The following ZNF514 variants were observed in gnomAD, a reference collection of about 807,000 sequenced individuals.
The protein encoded by ZNF514 is zinc finger protein 514.
In ZNF514, 12 loss-of-function variants were observed where a neutral mutation model predicts 9.7. That is an observed-to-expected ratio of 1.24 (90% CI 0.79 to 2.01). The LOEUF (loss-of-function observed/expected upper bound fraction) is 2.01, where lower values mean the gene tolerates loss of function less well. Among genes scored for constraint, ZNF514 ranks in the 30% most tolerant of loss-of-function variants. The pLI is 0.00. For missense variants in ZNF514, 467 were observed against 465.5 expected, an observed-to-expected ratio of 1.00 and a Z score of -0.03; for synonymous variants, 158 against 163.7, an observed-to-expected ratio of 0.97 and a Z score of 0.27.
At chr2:95,128,107 T>G in the ZNF514 span, among the ~76,000 whole-genome samples, 1 of 151,902 alleles carries the variant, frequency 6.6e-6, no homozygotes, top group Non-Finnish European at 1.5e-5. Flanking sequence ...AAATAAAAAA[T>G]TAGGGCTGGG....
the ZNF514 span, among the ~76,000 whole-genome samples, chr2:95,127,939 T>G: frequency 1.3e-5 from 2 of 152,082 alleles, no homozygotes; most frequent in South Asian, 2.1e-4. Flanking sequence ...AGCTGTTCCC[T>G]CTATATTTTT....
the ZNF514 span, among the ~76,000 whole-genome samples, chr2:95,132,473 A>G: frequency 6.6e-6 from 1 of 152,208 alleles, no homozygotes; most frequent in Non-Finnish European, 1.5e-5. Context: ...TGCCAACACC[A>G]TAAACTGATG....
At chr2:95,157,289 G>T in intron 2 of ZNF514, 62 bp downstream of exon 2, 1 of 1,124,738 alleles carries the variant, frequency 8.9e-7, no homozygotes, top group Non-Finnish European at 1.2e-6. Flanking sequence ...ACTTTTTGGT[G>T]AAAAGTAGGC....
In ZNF514 at chr2:95,149,614, T is replaced by TA; in HGVS notation, c.870dup (p.Asn291Ter). On this transcript the variant is annotated frameshift_variant, in exon 5 of 5. Coordinates refer to ENST00000295208, the MANE Select transcript of ZNF514 (RefSeq NM_032788.3). LOFTEE classifies it low-confidence loss of function (END_TRUNC). ...TGACCAAAGGCTCGTCCACATTCAT[T>TA]ACATTTGTAGGGTTTCTCTCCAGTG... 6.2e-7 allele frequency: 1 copy of TA among 1,614,176 alleles called. No individual in the cohort carries two copies. Among genetic ancestry groups the TA allele is most frequent in the Non-Finnish European group, 8.5e-7 (1 of 1,180,022 alleles).
the ZNF514 span, among the ~76,000 whole-genome samples, chr2:95,139,460 T>C: frequency 1.3e-5 from 2 of 152,130 alleles, no homozygotes; most frequent in Admixed American, 1.3e-4. Context: ...TTTTGGAGCT[T>C]TGAGATTTAA....
downstream of ZNF514, among the ~76,000 whole-genome samples, chr2:95,140,620 T>C (rs187517398): frequency 6.7e-6 from 1 of 149,240 alleles, no homozygotes; most frequent in Non-Finnish European, 1.5e-5. Flanking sequence ...CTTGAAAAAA[T>C]ATATATATAT....
chr2:95,157,516 C>A (rs1673720771), intron 1 of ZNF514, 77 bp from the exon 2 acceptor site: 2 of 767,262 alleles, frequency 2.6e-6, no homozygotes, highest in African/African-American at 3.6e-5. Context: ...AAGCCTGAGA[C>A]CCAGAACAGC....
At chr2:95,138,217 T>C in the ZNF514 span, among the ~76,000 whole-genome samples, 1 of 152,188 alleles carries the variant, frequency 6.6e-6, no homozygotes, top group Non-Finnish European at 1.5e-5. Context: ...CAGTGGGACA[T>C]TGCTATAAAG....
downstream of ZNF514, among the ~76,000 whole-genome samples, chr2:95,144,219 AC>A (rs893874088): frequency 1.3e-5 from 2 of 151,600 alleles, no homozygotes; most frequent in African/African-American, 4.9e-5. Context: ...TGCAGGACAG[AC>A]CCCCGCATTT....
the ZNF514 span, among the ~76,000 whole-genome samples, chr2:95,124,055 C>T: frequency 6.6e-6 from 1 of 152,156 alleles, no homozygotes; most frequent in Non-Finnish European, 1.5e-5. Flanking sequence ...ATGAGTTTTA[C>T]ATACACTCAT....
In ZNF514 at chr2:95,149,764, AG is replaced by A; in HGVS notation, c.720del (p.Phe241LeufsTer179). 2 of 1,614,254 alleles carry A rather than the reference AG, an allele frequency of 1.2e-6. No homozygotes were observed. Among genetic ancestry groups the A allele is most frequent in the Non-Finnish European group, 1.7e-6 (2 of 1,180,044 alleles). ...TTAATAAGGGATGAAATATGACCAAAGGCTCTTCCACAGTCACTGCATTCAT... is the reference window on the plus strand; with the variant it reads ...TTAATAAGGGATGAAATATGACCAAAGCTCTTCCACAGTCACTGCATTCAT... ...KPYECSDCGRAFGHISSLIKH... is the reference protein window; with the variant it reads ...KPYECSDCGRXFGHISSLIKH... On this transcript the variant is annotated frameshift_variant, in exon 5 of 5. Transcript: ENST00000295208. LOFTEE classifies it low-confidence loss of function (END_TRUNC).
the ZNF514 span, among the ~76,000 whole-genome samples, chr2:95,132,166 A>C: frequency 6.6e-6 from 1 of 151,296 alleles, no homozygotes; most frequent in Non-Finnish European, 1.5e-5. Flanking sequence ...AAAAAAAAAA[A>C]AAAACAGAGA....
chr2:95,147,491 T>C lies in ZNF514; in HGVS notation c.*1791A>G, dbSNP rs558402988. ...ACCCTAAAAAGATTCCTTGTAACAT[T>C]TGCAGTTACTTTGTTTCTGAAGATC... On this transcript the variant is annotated 3_prime_UTR_variant, in exon 5 of 5. Coordinates refer to ENST00000295208, the MANE Select transcript of ZNF514 (RefSeq NM_032788.3). 1 of 152,212 alleles carries C rather than the reference T, an allele frequency of 6.6e-6. No homozygotes were observed. The highest frequency in any genetic ancestry group is 1.5e-5 in the Non-Finnish European group (1 of 68,028). 9.4% of individuals were successfully genotyped at this position (152,212 alleles called of 1,614,324 possible). A position where few individuals can be genotyped will look rare whatever the true frequency, so the allele number is the denominator to read the frequency against.
chr2:95,147,144 C>T lies in ZNF514; in HGVS notation c.*2138G>A, dbSNP rs570386310. ...ACGCCAGCTCCTGGTCTAGGCTTCT[C>T]CACCTGAGTTACAGAGCCAACATGG... On this transcript the variant is annotated 3_prime_UTR_variant, in exon 5 of 5. Coordinates refer to ENST00000295208, the MANE Select transcript of ZNF514 (RefSeq NM_032788.3). Among the ~76,000 whole-genome samples, 1 of 152,288 alleles carries T rather than the reference C, an allele frequency of 6.6e-6. No homozygotes were observed. The highest frequency in any genetic ancestry group is 2.4e-5 in the African/African-American group (1 of 41,570).
At chr2:95,125,255 G>C in the ZNF514 span, among the ~76,000 whole-genome samples, 1 of 132,830 alleles carries the variant, frequency 7.5e-6, no homozygotes, top group East Asian at 2.3e-4. Context: ...TTGAGACGGA[G>C]TCTCGCGTCG....
In ZNF514 at chr2:95,148,660, G is replaced by A. The variant is rs1444227563; in HGVS notation, c.*622C>T. The A allele has an allele frequency of 6.6e-6, 1 of 152,332 alleles. No homozygotes were observed. Among genetic ancestry groups the A allele is most frequent in the Non-Finnish European group, 1.5e-5 (1 of 68,138 alleles). The allele number at this position is 152,332 out of a possible 1,614,324, so 9.4% of individuals were successfully genotyped here. A position where few individuals can be genotyped will look rare whatever the true frequency, so the allele number is the denominator to read the frequency against. On this transcript the variant is annotated 3_prime_UTR_variant, in exon 5 of 5. Transcript: ENST00000295208. Reference sequence around the variant, plus strand: ...GTCACCAGAGTTTCCAGCTAGTAGGGAGAGTTCTAAGGGGTTTATAAAGCA... The same window carrying A: ...GTCACCAGAGTTTCCAGCTAGTAGGAAGAGTTCTAAGGGGTTTATAAAGCA...
chr2:95,129,827 G>C, the ZNF514 span, among the ~76,000 whole-genome samples: 260 of 152,216 alleles, frequency 1.7e-3, 1 homozygote, highest in Non-Finnish European at 3.1e-3. Context: ...ATTTAAAACA[G>C]AGTTTGGGGA....
At chr2:95,157,303 G>T in intron 2 of ZNF514, 48 bp downstream of exon 2, 1 of 1,209,052 alleles carries the variant, frequency 8.3e-7, no homozygotes, top group Non-Finnish European at 1.1e-6. Flanking sequence ...AGTAGGCAAA[G>T]CTAACCATCG....
At position 95,145,806 on chromosome 2, in the gene ZNF514, C is replaced by T. The variant is rs1460920936; in HGVS notation, c.*3476G>A. On this transcript the variant is annotated 3_prime_UTR_variant, in exon 5 of 5. Transcript: ENST00000295208. ...TGTCTCTTCCTCTCACGTACCTTTGCCATGTTAACCATACTCGTCAGTTTG... is the reference window on the plus strand; with the variant it reads ...TGTCTCTTCCTCTCACGTACCTTTGTCATGTTAACCATACTCGTCAGTTTG... Among the ~76,000 whole-genome samples, 4 of 152,216 alleles carry T rather than the reference C, an allele frequency of 2.6e-5. No homozygotes were observed. Among genetic ancestry groups the T allele is most frequent in the Admixed American group, 6.5e-5 (1 of 15,288 alleles).
Sources: gnomAD v4.1 joint callset for allele counts (sites outside exome capture counted in the v4.1 genomes callset) on GRCh38, gnomAD v4.1.1 for gene constraint, MANE v1.5 for transcripts, NCBI Gene and HGNC (gene_info 2026-07-23, HGNC 2026-07-21) for gene names.